The following TTC7B variants were observed in gnomAD, a reference collection of about 807,000 sequenced individuals.
The protein encoded by TTC7B is tetratricopeptide repeat domain 7B, also known as tetratricopeptide repeat protein 7B.
TTC7B carries 28 observed loss-of-function variants against 106.8 expected under a neutral mutation model. That is an observed-to-expected ratio of 0.26 (90% CI 0.19 to 0.36). The LOEUF (loss-of-function observed/expected upper bound fraction) is 0.36, where lower values mean the gene tolerates loss of function less well. TTC7B is among the 10% of genes least tolerant of loss of function. TTC7B has a pLI of 1.00. For synonymous variants in TTC7B, 405 were observed against 430.6 expected, an observed-to-expected ratio of 0.94 and a Z score of 0.74; for missense variants, 862 against 1,076.4, an observed-to-expected ratio of 0.80 and a Z score of 2.79.
At chr14:90,699,085 T>G (rs1024279217) in intron 5 of TTC7B, 1 of 440,920 alleles carries the variant, frequency 2.3e-6, no homozygotes, top group Non-Finnish European at 4.5e-6. Flanking sequence ...TAGGTTCCAG[T>G]TCCCCCTTGG....
intron 17 of TTC7B, 36 bp downstream of exon 17, chr14:90,610,706 T>C (rs768961114): frequency 2.2e-5 from 33 of 1,474,204 alleles, no homozygotes; most frequent in Admixed American, 3.3e-5. Flanking sequence ...CATTCTCCAT[T>C]ACACCATTTC....
chr14:90,749,205 TGCTTGG>T (rs1431742759), intron 3 of TTC7B, among the ~76,000 whole-genome samples: 3 of 152,160 alleles, frequency 2.0e-5, no homozygotes, highest in Non-Finnish European at 4.4e-5. Context: ...GATTATGAAG[TGCTTGG>T]GCTTTGTTGA....
intron 19 of TTC7B, among the ~76,000 whole-genome samples, chr14:90,550,205 A>G (rs1890017708): frequency 6.6e-6 from 1 of 152,110 alleles, no homozygotes; most frequent in Non-Finnish European, 1.5e-5. Flanking sequence ...TGCAGCTTTG[A>G]CGGGACAAGA....
intron 3 of TTC7B, among the ~76,000 whole-genome samples, chr14:90,752,145 C>T (rs1173745248): frequency 6.6e-6 from 1 of 152,142 alleles, no homozygotes; most frequent in East Asian, 1.9e-4. Context: ...CATGCCCAGC[C>T]TCTGAACTGT....
At chr14:90,590,500 G>C (rs573858937) in intron 18 of TTC7B, among the ~76,000 whole-genome samples, 19 of 152,320 alleles carry the variant, frequency 1.2e-4, no homozygotes, top group African/African-American at 4.6e-4. Flanking sequence ...CCATGGCTTT[G>C]GGTGTCAGGC....
chr14:90,637,482 A>G (rs2139872512), intron 15 of TTC7B, among the ~76,000 whole-genome samples: 1 of 152,250 alleles, frequency 6.6e-6, no homozygotes, highest in East Asian at 1.9e-4. Flanking sequence ...ATTCCAAAAC[A>G]TGCAAAAAGA....
At chr14:90,610,178 C>T (rs1417770515) in intron 17 of TTC7B, among the ~76,000 whole-genome samples, 1 of 152,222 alleles carries the variant, frequency 6.6e-6, no homozygotes, top group Non-Finnish European at 1.5e-5. Flanking sequence ...TGTGTCACCA[C>T]TGTGGGGTCT....
At position 90,684,518 on chromosome 14, in the gene TTC7B, G is replaced by A. The variant is rs185495698; in HGVS notation, c.951-3983C>T. Among the ~76,000 whole-genome samples, 391 of 152,192 alleles carry A rather than the reference G, an allele frequency of 2.6e-3. 1 individual carries two copies. Among genetic ancestry groups the A allele is most frequent in the African/African-American group, 9.0e-3 (372 of 41,524 alleles). On this transcript the variant is annotated intron_variant, in intron 7 of 19. Transcript: ENST00000328459. ...AAGCAGAATGGGTCAATATATTGGA[G>A]GACAGTCATAAAATGAAATACCTCG...
intron 19 of TTC7B, among the ~76,000 whole-genome samples, chr14:90,542,003 G>T (rs759563039): frequency 6.6e-6 from 1 of 152,148 alleles, no homozygotes; most frequent in Non-Finnish European, 1.5e-5. Flanking sequence ...GCAGTGGCGC[G>T]ATCTTGGCTC....
intron 15 of TTC7B, among the ~76,000 whole-genome samples, chr14:90,628,696 T>C (rs978454552): frequency 6.6e-6 from 1 of 152,226 alleles, no homozygotes; most frequent in African/African-American, 2.4e-5. Context: ...AGGTGGATGA[T>C]GTGTCTCTCT....
intron 19 of TTC7B, among the ~76,000 whole-genome samples, chr14:90,558,166 G>A (rs1461095752): frequency 6.6e-6 from 1 of 152,282 alleles, no homozygotes; most frequent in African/African-American, 2.4e-5. Context: ...CCGTGCCAGG[G>A]TGCCCCTCTG....
chr14:90,657,401 A>G lies in TTC7B; in HGVS notation c.1237-123T>C. The G allele has an allele frequency of 1.2e-6, 1 of 832,302 alleles. No individual in the cohort carries two copies. Among genetic ancestry groups the G allele is most frequent in the South Asian group, 1.7e-5 (1 of 58,816 alleles). The allele number at this position is 832,302 out of a possible 1,614,324, so 51.6% of individuals were successfully genotyped here. A position where few individuals can be genotyped will look rare whatever the true frequency, so the allele number is the denominator to read the frequency against. ...CGTGGGCTTGTCCAACTTTAAGCCC[A>G]AGCAAGCGGGGGCCTGAGGTGCATG... On this transcript the variant is annotated intron_variant, in intron 10 of 19. Coordinates refer to ENST00000328459, the MANE Select transcript of TTC7B (RefSeq NM_001010854.2). The surrounding 1 kb of genome is among the most constrained non-coding windows in gnomAD (Gnocchi z 4.2).
At chr14:90,583,837 C>T (rs1891607903) in intron 18 of TTC7B, among the ~76,000 whole-genome samples, 1 of 152,176 alleles carries the variant, frequency 6.6e-6, no homozygotes, top group East Asian at 1.9e-4. Flanking sequence ...TAAAATCTCC[C>T]CACCGTGTAC....
At chr14:90,619,770 G>A (rs1448040798) in intron 15 of TTC7B, among the ~76,000 whole-genome samples, 1 of 152,176 alleles carries the variant, frequency 6.6e-6, no homozygotes, top group Non-Finnish European at 1.5e-5. Flanking sequence ...CTGAGGACAA[G>A]AGCCCTGACA....
At chr14:90,789,792 A>C (rs1891517654) in intron 1 of TTC7B, among the ~76,000 whole-genome samples, 1 of 151,674 alleles carries the variant, frequency 6.6e-6, no homozygotes, top group Non-Finnish European at 1.5e-5. Context: ...GCTAGTCGGG[A>C]GGCTGAGGCA....
chr14:90,527,467 C>T lies in TTC7B; in HGVS notation c.*13901G>A, dbSNP rs977680990. 5.3e-5 allele frequency: 8 copies of T among 152,180 alleles called. No homozygotes were observed. The highest frequency in any genetic ancestry group is 1.7e-4 in the African/African-American group (7 of 41,524). The allele number at this position is 152,180 out of a possible 1,614,324, so 9.4% of individuals were successfully genotyped here. A position where few individuals can be genotyped will look rare whatever the true frequency, so the allele number is the denominator to read the frequency against. ...TAATAATCTCTAAACTTAGCAAATT[C>T]GCAGTTACAAAGGCTCAGGGATCAC... is the stretch of plus-strand genomic sequence containing the variant. On this transcript the variant is annotated 3_prime_UTR_variant, in exon 20 of 20. Transcript: ENST00000328459.
At chr14:90,753,573 G>A (rs1276627578) in intron 3 of TTC7B, among the ~76,000 whole-genome samples, 2 of 152,102 alleles carry the variant, frequency 1.3e-5, no homozygotes, top group Admixed American at 1.3e-4. Flanking sequence ...GGGGTGTAGA[G>A]GGGAGGAGAA....
Position 90,572,401 on chromosome 14 carries a change from C to T in TTC7B, c.2310+5705G>A, listed in dbSNP as rs181245803. On this transcript the variant is annotated intron_variant, in intron 19 of 19. Coordinates refer to ENST00000328459, the MANE Select transcript of TTC7B (RefSeq NM_001010854.2). ...CATAAGACATATCCACTGCACCTCA[C>T]ATCGTGGGGCCATCTCCCAAACCTA... Among the ~76,000 whole-genome samples, 30 of 152,352 alleles carry T rather than the reference C, an allele frequency of 2.0e-4. No individual in the cohort carries two copies. The East Asian group carries it at 4.8e-3, about 24-fold the overall frequency.
intron 7 of TTC7B, among the ~76,000 whole-genome samples, chr14:90,683,642 A>G (rs1215482688): frequency 2.0e-5 from 3 of 152,144 alleles, no homozygotes; most frequent in Admixed American, 6.5e-5. Context: ...CCCCATGACA[A>G]AGAAAGAAGG....
Sources: gnomAD v4.1 joint callset for allele counts (sites outside exome capture counted in the v4.1 genomes callset) on GRCh38, gnomAD v4.1.1 for gene constraint, Gnocchi (gnomAD v3.1) non-coding constraint, MANE v1.5 for transcripts, NCBI Gene and HGNC (gene_info 2026-07-23, HGNC 2026-07-21) for gene names.